The following SGCD variants were observed in gnomAD, a reference collection of about 807,000 sequenced individuals.
SGCD encodes the protein sarcoglycan delta, also known as delta-sarcoglycan.
A neutral mutation model predicts 36.6 loss-of-function variants in SGCD; 18 were observed. That is an observed-to-expected ratio of 0.49 (90% CI 0.34 to 0.73). The LOEUF (loss-of-function observed/expected upper bound fraction) is 0.73, where lower values mean the gene tolerates loss of function less well. SGCD is among the 30% of genes least tolerant of loss of function. SGCD has a pLI of 0.01. For synonymous variants in SGCD, 133 were observed against 130.6 expected (o/e 1.02, Z -0.12); for missense variants, 387 against 346.7 (o/e 1.12, Z -0.92).
chr5:156,036,574 G>A (rs1759503359), intron 1 of SGCD, among the ~76,000 whole-genome samples: 1 of 152,048 alleles, frequency 6.6e-6, no homozygotes, highest in African/African-American at 2.4e-5. Flanking sequence ...TGCTACCTTT[G>A]GTTTCTTTAG....
At chr5:156,745,557 C>T (rs1047633432) in intron 7 of SGCD, among the ~76,000 whole-genome samples, 2 of 152,124 alleles carry the variant, frequency 1.3e-5, no homozygotes, top group African/African-American at 4.8e-5. Context: ...ACAAAATACA[C>T]TCGGAAACAA....
At chr5:156,423,959 G>A (rs1386074692) in intron 3 of SGCD, among the ~76,000 whole-genome samples, 1 of 151,972 alleles carries the variant, frequency 6.6e-6, no homozygotes, top group Non-Finnish European at 1.5e-5. Flanking sequence ...GTTTTAGGGT[G>A]AAGTTGATTT....
intron 1 of SGCD, among the ~76,000 whole-genome samples, chr5:156,103,791 T>A (rs1321341779): frequency 6.6e-6 from 1 of 152,076 alleles, no homozygotes; most frequent in African/African-American, 2.4e-5. Flanking sequence ...TTGCCATGAG[T>A]CACCTGGAAA....
At chr5:155,976,882 T>C (rs1758124334) in intron 1 of SGCD, among the ~76,000 whole-genome samples, 1 of 152,162 alleles carries the variant, frequency 6.6e-6, no homozygotes, top group Admixed American at 6.5e-5. Flanking sequence ...CCATCTGAGT[T>C]ACCATTGTCT....
At chr5:156,542,838 C>G (rs1291786277) in intron 4 of SGCD, among the ~76,000 whole-genome samples, 1 of 152,136 alleles carries the variant, frequency 6.6e-6, no homozygotes, top group African/African-American at 2.4e-5. Context: ...AAAGAATTGT[C>G]TAGAGTATCA....
the SGCD span, among the ~76,000 whole-genome samples, chr5:155,739,199 G>A: frequency 6.6e-6 from 1 of 152,192 alleles, no homozygotes; most frequent in African/African-American, 2.4e-5. Flanking sequence ...TATGGAGACA[G>A]CACTTATTTA....
At chr5:156,520,633 A>T (rs956176545) in intron 4 of SGCD, among the ~76,000 whole-genome samples, 4 of 152,164 alleles carry the variant, frequency 2.6e-5, no homozygotes, top group Non-Finnish European at 4.4e-5. Flanking sequence ...CCAACTTCAA[A>T]CTATACTACA....
At chr5:156,290,564 A>G (rs1766732220) in intron 3 of SGCD, among the ~76,000 whole-genome samples, 1 of 152,176 alleles carries the variant, frequency 6.6e-6, no homozygotes, top group Admixed American at 6.6e-5. Context: ...CTGGTAAGGA[A>G]TGAAAAGTTG....
chr5:156,071,000 C>T (rs1023814098), intron 1 of SGCD, among the ~76,000 whole-genome samples: 6 of 152,078 alleles, frequency 3.9e-5, no homozygotes, highest in Non-Finnish European at 8.8e-5. Flanking sequence ...TTTTTTATTG[C>T]ATCTATTTGA....
chr5:156,001,187 G>C (rs1758657818), intron 1 of SGCD, among the ~76,000 whole-genome samples: 1 of 152,130 alleles, frequency 6.6e-6, no homozygotes, highest in African/African-American at 2.4e-5. Flanking sequence ...ATATATAAAT[G>C]GTTATAGGCA....
chr5:155,912,777 C>A (rs920894238), intron 1 of SGCD, among the ~76,000 whole-genome samples: 1 of 151,966 alleles, frequency 6.6e-6, no homozygotes, highest in Non-Finnish European at 1.5e-5. Flanking sequence ...TCTTTCTAAT[C>A]AGTGTCTTTC....
chr5:156,466,956 G>A (rs559977484), intron 3 of SGCD, among the ~76,000 whole-genome samples: 39 of 152,158 alleles, frequency 2.6e-4, no homozygotes, highest in African/African-American at 8.4e-4. Flanking sequence ...AGTGTATGCC[G>A]ATCACTCAAC....
intron 3 of SGCD, among the ~76,000 whole-genome samples, chr5:156,469,117 C>T (rs112917740): frequency 0.018 from 2,734 of 152,208 alleles, 79 homozygotes; most frequent in African/African-American, 0.062. Context: ...GGCATGGGTT[C>T]TTGGAATTCC....
intron 3 of SGCD, among the ~76,000 whole-genome samples, chr5:156,297,606 T>A (rs192170911): frequency 8.2e-6 from 1 of 122,112 alleles, no homozygotes; most frequent in African/African-American, 3.0e-5. Flanking sequence ...CATGGACACA[T>A]GAAGGGGAAT....
the SGCD span, among the ~76,000 whole-genome samples, chr5:155,750,184 A>C: frequency 6.6e-6 from 1 of 152,226 alleles, no homozygotes; most frequent in Non-Finnish European, 1.5e-5. Context: ...TGTTACCTTT[A>C]GAATCTGGGC....
At chr5:156,105,260 A>G (rs530960907) in intron 1 of SGCD, among the ~76,000 whole-genome samples, 134 of 152,326 alleles carry the variant, frequency 8.8e-4, no homozygotes, top group African/African-American at 3.2e-3. Flanking sequence ...TAAAGAAAGT[A>G]CTTCACACAT....
chr5:156,593,101 A>G (rs2113382476), intron 5 of SGCD, among the ~76,000 whole-genome samples: 1 of 152,296 alleles, frequency 6.6e-6, no homozygotes, highest in South Asian at 2.1e-4. Flanking sequence ...ACATAGATAG[A>G]TACAGTAGGC....
the SGCD span, among the ~76,000 whole-genome samples, chr5:155,787,371 A>G: frequency 7.9e-5 from 12 of 152,308 alleles, no homozygotes; most frequent in South Asian, 8.3e-4. Flanking sequence ...AAGTAAGCCA[A>G]TACAGTATGT....
chr5:155,996,013 T>TAA (rs1758534214), intron 1 of SGCD, among the ~76,000 whole-genome samples: 1 of 137,140 alleles, frequency 7.3e-6, no homozygotes, highest in Non-Finnish European at 1.6e-5. Flanking sequence ...AAAAAGAACT[T>TAA]ACAAAAAAAA....
Sources: gnomAD v4.1 joint callset for allele counts (sites outside exome capture counted in the v4.1 genomes callset) on GRCh38, gnomAD v4.1.1 for gene constraint, MANE v1.5 for transcripts, NCBI Gene and HGNC (gene_info 2026-07-23, HGNC 2026-07-21) for gene names.